Variants in DDX10 observed in about 807,000 individuals in gnomAD.
DDX10 encodes DEAD-box helicase 10.
In DDX10, 74 loss-of-function variants were observed where a neutral mutation model predicts 104.3. The observed-to-expected ratio is 0.71, with a 90% CI of 0.59 to 0.86. The LOEUF (loss-of-function observed/expected upper bound fraction) is 0.86, where lower values mean the gene tolerates loss of function less well. Among genes scored for constraint, DDX10 ranks in the 40% least tolerant of loss-of-function variants. The pLI is 0.00. For missense variants in DDX10, 952 were observed against 1,040.0 expected (o/e 0.92, Z 1.16); for synonymous variants, 351 against 353.4 (o/e 0.99, Z 0.08).
At chr11:108,715,198 G>C (rs2094289850) in intron 10 of DDX10, among the ~76,000 whole-genome samples, 1 of 151,896 alleles carries the variant, frequency 6.6e-6, no homozygotes, top group Non-Finnish European at 1.5e-5. Flanking sequence ...TATGATATTT[G>C]ACTGAAACAG....
chr11:108,822,459 T>C, intron 13 of DDX10: 1 of 343,740 alleles, frequency 2.9e-6, no homozygotes, highest in South Asian at 2.7e-5. Context: ...AGTGCATCAG[T>C]GTATCCTTTC....
chr11:108,773,287 C>T (rs1042477828), intron 13 of DDX10, among the ~76,000 whole-genome samples: 6 of 152,154 alleles, frequency 3.9e-5, no homozygotes, highest in African/African-American at 1.4e-4. Flanking sequence ...TGACAGAAAG[C>T]AAACTCAACC....
In DDX10 at chr11:108,688,932, C is replaced by T. The variant is rs370942127; in HGVS notation, c.849-4C>T. 18 of 1,609,944 alleles carry T rather than the reference C, an allele frequency of 1.1e-5. No individual in the cohort carries two copies. Among genetic ancestry groups the T allele is most frequent in the Non-Finnish European group, 1.5e-5 (18 of 1,177,880 alleles). On this transcript the variant is annotated splice_polypyrimidine_tract_variant and splice_region_variant and intron_variant, in intron 6 of 17. Transcript: ENST00000322536. ...AATGTTTTTCTTTTCCGTAATTCCA[C>T]AAGCACCCCTGCCACTTTGGAACAG...
chr11:108,837,462 CA>C, intron 13 of DDX10, among the ~76,000 whole-genome samples: 1 of 152,194 alleles, frequency 6.6e-6, no homozygotes, highest in Admixed American at 6.5e-5. Context: ...CCCCCTATCT[CA>C]GGGGGTCTGC....
intron 13 of DDX10, among the ~76,000 whole-genome samples, chr11:108,729,301 A>G (rs1345644039): frequency 6.6e-6 from 1 of 152,124 alleles, no homozygotes; most frequent in African/African-American, 2.4e-5. Context: ...ATTCCTCCAG[A>G]CCATATTCAG....
chr11:108,800,630 A>G (rs1862008150), intron 13 of DDX10, among the ~76,000 whole-genome samples: 1 of 152,162 alleles, frequency 6.6e-6, no homozygotes, highest in Non-Finnish European at 1.5e-5. Context: ...TGCCACATTT[A>G]TAAGAAATCA....
rs1179168754 is a variant in DDX10 at position 108,678,330 on chromosome 11, G to A, written c.553G>A (p.Ala185Thr). 6.2e-7 allele frequency: 1 copy of A among 1,610,238 alleles called. No individual in the cohort carries two copies. Among genetic ancestry groups the A allele is most frequent in the East Asian group, 2.2e-5 (1 of 44,782 alleles). The change falls in exon 5 of 18, where the codon GCT becomes ACT. Residue 185 changes from alanine to threonine, a missense_variant. Ala to Thr is a moderately conservative substitution (Grantham distance 58). Around this residue, in one of 3 missense-constraint regions of DDX10, gnomAD observed 412 missense variants for 479.2 expected, o/e 0.86. Coordinates refer to ENST00000322536, the MANE Select transcript of DDX10 (RefSeq NM_004398.4). ...IIGGKDLKHE[A>T]ERINNINILV... ...CTGTTTTCAGGATCTAAAACACGAA[G>A]CTGAGAGGATCAACAACATAAATAT...
rs1037850577 is a variant in DDX10, at chr11:108,714,544, T to C, written c.1323-1335T>C. ...AGTCTGACTCTTTTTTTTTTTTTTT[T>C]AAAGTCTTAAACGGCCTTTTCTGAA... On this transcript the variant is annotated intron_variant, in intron 10 of 17. Coordinates refer to ENST00000322536, the MANE Select transcript of DDX10 (RefSeq NM_004398.4). Among the ~76,000 whole-genome samples the C allele has an allele frequency of 1.5e-4, 19 of 126,620 alleles. 1 individual carries two copies. In the South Asian group the frequency reaches 4.7e-3, roughly 31 times the overall value. 83.1% of individuals were successfully genotyped at this position (126,620 alleles called of 152,430 possible).
chr11:108,913,386 C>T (rs1185559144), intron 16 of DDX10, among the ~76,000 whole-genome samples: 2 of 151,956 alleles, frequency 1.3e-5, no homozygotes, highest in Non-Finnish European at 2.9e-5. Context: ...ACATGTGAGG[C>T]GGAGGTAGAG....
At chr11:108,831,716 C>G (rs539629220) in intron 13 of DDX10, among the ~76,000 whole-genome samples, 23 of 151,798 alleles carry the variant, frequency 1.5e-4, no homozygotes, top group Non-Finnish European at 2.2e-4. Context: ...GTTTTATTTT[C>G]TTTTGTAGGA....
At chr11:108,724,032 G>C (rs1326744123) in intron 13 of DDX10, among the ~76,000 whole-genome samples, 3 of 152,068 alleles carry the variant, frequency 2.0e-5, no homozygotes, top group Non-Finnish European at 4.4e-5. Flanking sequence ...AATCCATTTA[G>C]ATAAAGCACT....
intron 13 of DDX10, among the ~76,000 whole-genome samples, chr11:108,775,928 T>C (rs1350865641): frequency 6.6e-6 from 1 of 152,204 alleles, no homozygotes; most frequent in Non-Finnish European, 1.5e-5. Flanking sequence ...ATGTGTGGTT[T>C]TTTTAGTTCA....
At chr11:108,666,407 G>A (rs2094210211) in intron 1 of DDX10, among the ~76,000 whole-genome samples, 1 of 152,166 alleles carries the variant, frequency 6.6e-6, no homozygotes, top group East Asian at 1.9e-4. Flanking sequence ...TTGAACCCGG[G>A]AGGCAGAGGT....
At chr11:108,858,323 CTA>C (rs1262381364) in intron 16 of DDX10, among the ~76,000 whole-genome samples, 1 of 152,136 alleles carries the variant, frequency 6.6e-6, no homozygotes, top group Non-Finnish European at 1.5e-5. Context: ...CATCACTAGA[CTA>C]TAAACTCCTT....
intron 16 of DDX10, among the ~76,000 whole-genome samples, chr11:108,885,843 A>G (rs2134635767): frequency 6.6e-6 from 1 of 152,310 alleles, no homozygotes; most frequent in African/African-American, 2.4e-5. Flanking sequence ...CCCAAGGATA[A>G]CCTCTGGGGC....
At chr11:108,802,163 GGACCA>G (rs1407000859) in intron 13 of DDX10, among the ~76,000 whole-genome samples, 1 of 151,984 alleles carries the variant, frequency 6.6e-6, no homozygotes, top group African/African-American at 2.4e-5. Flanking sequence ...AATATGCATG[GGACCA>G]GAAGTGCTTT....
intron 16 of DDX10, among the ~76,000 whole-genome samples, chr11:108,900,018 C>G (rs970022921): frequency 3.9e-5 from 6 of 151,956 alleles, no homozygotes; most frequent in Non-Finnish European, 7.4e-5. Context: ...GAGGCTGAGG[C>G]AAGAGAATCG....
intron 16 of DDX10, among the ~76,000 whole-genome samples, chr11:108,900,945 C>G (rs1298150888): frequency 6.6e-6 from 1 of 152,078 alleles, no homozygotes; most frequent in East Asian, 1.9e-4. Flanking sequence ...ACCTAATTGC[C>G]CTCCTCATCA....
At chr11:108,898,760 G>A (rs1863474053) in intron 16 of DDX10, among the ~76,000 whole-genome samples, 1 of 151,944 alleles carries the variant, frequency 6.6e-6, no homozygotes, top group Admixed American at 6.6e-5. Context: ...TTACACTCTT[G>A]CTAGCTTGTC....
Sources: allele counts gnomAD v4.1 joint callset (sites outside exome capture counted in the v4.1 genomes callset), GRCh38; gene constraint gnomAD v4.1.1; regional missense constraint gnomAD v4.1.1; transcripts MANE v1.5; gene names NCBI Gene and HGNC (gene_info 2026-07-23, HGNC 2026-07-21).